Variants in BAZ2B observed in about 807,000 individuals in gnomAD.
BAZ2B encodes the protein bromodomain adjacent to zinc finger domain protein 2B.
In BAZ2B, 91 loss-of-function variants were observed where a neutral mutation model predicts 246.0. That is an observed-to-expected ratio of 0.37 (90% CI 0.31 to 0.44). The LOEUF (loss-of-function observed/expected upper bound fraction) is 0.44, where lower values mean the gene tolerates loss of function less well. Ranked by LOEUF, BAZ2B falls within the 20% of genes least tolerant of loss-of-function variation. BAZ2B has a pLI of 1.00. For missense variants in BAZ2B, 2,332 were observed against 2,533.7 expected (o/e 0.92, Z 1.71); for synonymous variants, 855 against 860.0 (o/e 0.99, Z 0.10).
intron 20 of BAZ2B, among the ~76,000 whole-genome samples, chr2:159,394,652 C>T (rs781512539): frequency 2.0e-5 from 3 of 152,102 alleles, no homozygotes; most frequent in Non-Finnish European, 4.4e-5. Context: ...TCTTGCTAGG[C>T]CCATTCTACA....
chr2:159,343,982 C>T (rs1470684460), intron 31 of BAZ2B, among the ~76,000 whole-genome samples: 1 of 143,256 alleles, frequency 7.0e-6, no homozygotes, highest in African/African-American at 2.6e-5. Context: ...GCCAAGATCA[C>T]GCCACTGCAC....
chr2:159,438,006 A>G (rs1005517388), intron 8 of BAZ2B: 50 of 223,546 alleles, frequency 2.2e-4, no homozygotes, highest in Admixed American at 9.3e-4. Context: ...TTACTCAAAC[A>G]TATTTATCCC....
the BAZ2B span, among the ~76,000 whole-genome samples, chr2:159,705,451 ATAGTT>A: frequency 3.9e-4 from 59 of 152,342 alleles, no homozygotes; most frequent in African/African-American, 1.3e-3. Context: ...ATAGTTCTGA[ATAGTT>A]TAGTTTTCAG....
intron 1 of BAZ2B, among the ~76,000 whole-genome samples, chr2:159,598,213 T>C (rs936211332): frequency 6.6e-6 from 1 of 151,764 alleles, no homozygotes; most frequent in Non-Finnish European, 1.5e-5. Flanking sequence ...AGGCTGGTCT[T>C]GAACTCCTGA....
intron 18 of BAZ2B, 120 bp from the exon 19 acceptor site, chr2:159,397,509 G>T: frequency 2.0e-6 from 1 of 511,212 alleles, no homozygotes; most frequent in Non-Finnish European, 3.4e-6. Flanking sequence ...CATATGAAAT[G>T]GCCAATATTC....
At chr2:159,333,798 T>C (rs532320624) in intron 33 of BAZ2B, among the ~76,000 whole-genome samples, 4 of 152,228 alleles carry the variant, frequency 2.6e-5, no homozygotes, top group Admixed American at 6.5e-5. Context: ...CCAATGACAG[T>C]TGTAGAATCT....
At chr2:159,427,889 G>A in intron 13 of BAZ2B, 52 bp downstream of exon 13, 4 of 1,406,814 alleles carry the variant, frequency 2.8e-6, no homozygotes, top group Non-Finnish European at 4.0e-6. Flanking sequence ...CTTCATTTAG[G>A]TTATGGTACT....
intron 26 of BAZ2B, among the ~76,000 whole-genome samples, chr2:159,373,781 G>A (rs911422820): frequency 3.3e-5 from 5 of 152,100 alleles, no homozygotes; most frequent in Admixed American, 6.6e-5. Flanking sequence ...CAGTGACCAC[G>A]CCATTGCACT....
intron 2 of BAZ2B, among the ~76,000 whole-genome samples, chr2:159,507,132 G>A (rs566598632): frequency 5.9e-5 from 9 of 152,196 alleles, no homozygotes; most frequent in African/African-American, 1.9e-4. Context: ...ACAAATCAAG[G>A]CCTTCTGAAA....
At chr2:159,564,934 G>C (rs557556343) in intron 1 of BAZ2B, among the ~76,000 whole-genome samples, 6 of 152,106 alleles carry the variant, frequency 3.9e-5, no homozygotes, top group Non-Finnish European at 8.8e-5. Context: ...GAAGTGGTAC[G>C]ATCTTGGCTC....
At chr2:159,422,721 T>A (rs1022940424) in intron 13 of BAZ2B, among the ~76,000 whole-genome samples, 2 of 152,036 alleles carry the variant, frequency 1.3e-5, no homozygotes, top group African/African-American at 2.4e-5. Flanking sequence ...AATTGACAAG[T>A]GAGACCTAAT....
In BAZ2B at chr2:159,446,784, T is replaced by G; in HGVS notation, c.694A>C (p.Lys232Gln). 1 of 1,603,680 alleles carries G rather than the reference T, an allele frequency of 6.2e-7. No individual in the cohort carries two copies. Among genetic ancestry groups the G allele is most frequent in the South Asian group, 1.1e-5 (1 of 88,882 alleles). Residue 232 changes from lysine (K) to glutamine (Q), a missense_variant and splice_region_variant, in exon 6 of 37, where the codon AAG becomes CAG. Lys to Gln is a moderately conservative substitution (Grantham distance 53). Transcript: ENST00000392783. Reference sequence around the variant, plus strand: ...TAGTCCTTCCAAGTACAACTTACCTTATCTTTGATTTTGTCAACTCTAGCA... The same window carrying G: ...TAGTCCTTCCAAGTACAACTTACCTGATCTTTGATTTTGTCAACTCTAGCA... The part of the protein sequence containing the change: ...LDARVDKIKD[K>Q]KPRKKAMESS...
At chr2:159,408,781 G>C (rs544792632) in intron 14 of BAZ2B, among the ~76,000 whole-genome samples, 1 of 152,108 alleles carries the variant, frequency 6.6e-6, no homozygotes, top group Non-Finnish European at 1.5e-5. Flanking sequence ...TTAGCCGGGC[G>C]TTGTGGTGGG....
At chr2:159,696,192 G>A in the BAZ2B span, among the ~76,000 whole-genome samples, 1 of 151,864 alleles carries the variant, frequency 6.6e-6, no homozygotes, top group Non-Finnish European at 1.5e-5. Flanking sequence ...ATAGTTAAAG[G>A]TCCTGTCACT....
In BAZ2B at chr2:159,538,711, T is replaced by C. The variant is rs191705544; in HGVS notation, c.-3+17112A>G. Among the ~76,000 whole-genome samples the C allele has an allele frequency of 3.3e-5, 5 of 152,364 alleles. No homozygotes were observed. In the East Asian group the frequency reaches 9.6e-4, roughly 29 times the overall value. On this transcript the variant is annotated intron_variant, in intron 2 of 36. Transcript: ENST00000392783. ...GATCAGAGATAAATCAATTCCTTTG[T>C]TTATAATCATACAGCCCAATACTCA... is the stretch of plus-strand genomic sequence containing the variant.
At chr2:159,438,158 T>A in intron 8 of BAZ2B, 145 bp downstream of exon 8, 1 of 755,990 alleles carries the variant, frequency 1.3e-6, no homozygotes, top group East Asian at 2.8e-5. Context: ...AATTTAGTTT[T>A]CTGCTGTACA....
At chr2:159,682,807 C>T in the BAZ2B span, among the ~76,000 whole-genome samples, 1 of 152,006 alleles carries the variant, frequency 6.6e-6, no homozygotes, top group Non-Finnish European at 1.5e-5. Context: ...TTCTTGGCTG[C>T]AGGAGTTCCA....
intron 1 of BAZ2B, among the ~76,000 whole-genome samples, chr2:159,556,151 T>C (rs2089095905): frequency 6.6e-6 from 1 of 152,170 alleles, no homozygotes; most frequent in Non-Finnish European, 1.5e-5. Flanking sequence ...TGTAGGACAT[T>C]TGGGTTACAA....
chr2:159,694,236 C>A, the BAZ2B span: 1 of 152,118 alleles, frequency 6.6e-6, no homozygotes, highest in African/African-American at 2.4e-5. Flanking sequence ...AAAAAAGAGG[C>A]CTGAGAATGA....
Sources: gnomAD v4.1 joint callset for allele counts (sites outside exome capture counted in the v4.1 genomes callset) on GRCh38, gnomAD v4.1.1 for gene constraint, MANE v1.5 for transcripts, NCBI Gene and HGNC (gene_info 2026-07-23, HGNC 2026-07-21) for gene names.